UPP2: variants seen among roughly 807,000 people sequenced by gnomAD.
UPP2 encodes UPase 2.
In UPP2, 23 loss-of-function variants were observed where a neutral mutation model predicts 26.7. That is an observed-to-expected ratio of 0.86 (90% confidence interval 0.62 to 1.22). The LOEUF is 1.22. UPP2 is among the 50% of genes most tolerant of loss of function. UPP2 has a pLI of 0.00. For missense variants in UPP2, 387 were observed against 396.7 expected, an observed-to-expected ratio of 0.98 and a Z score of 0.21; for synonymous variants, 127 against 141.3, an observed-to-expected ratio of 0.90 and a Z score of 0.72.
intron 3 of UPP2, among the ~76,000 whole-genome samples, chr2:158,082,886 G>A (rs1019695601): frequency 3.3e-5 from 5 of 152,186 alleles, no homozygotes; most frequent in African/African-American, 4.8e-5. Context: ...CCATCAAAAA[G>A]TGGGTGAAGG....
chr2:158,130,388 T>C (rs540115531), intron 6 of UPP2, among the ~76,000 whole-genome samples: 2 of 151,492 alleles, frequency 1.3e-5, no homozygotes, highest in Non-Finnish European at 2.9e-5. Context: ...GAGGCAGAGC[T>C]TGCAGTGAGC....
At chr2:158,096,428 G>A (rs13416665) in intron 3 of UPP2, among the ~76,000 whole-genome samples, 2,231 of 152,008 alleles carry the variant, frequency 0.015, 61 homozygotes, top group African/African-American at 0.05. Flanking sequence ...GTGAAACCCC[G>A]TCTCTACTAA....
chr2:158,035,548 C>T (rs1474598634), intron 3 of UPP2, among the ~76,000 whole-genome samples: 2 of 152,292 alleles, frequency 1.3e-5, no homozygotes, highest in East Asian at 1.9e-4. Flanking sequence ...AGGAACTCCT[C>T]CTCCATTTTA....
At position 158,127,449 on chromosome 2, in the gene UPP2, C is replaced by T. The variant is rs150561444; in HGVS notation, c.811+3554C>T. On this transcript the variant is annotated intron_variant, in intron 6 of 6. Coordinates refer to ENST00000005756, the MANE Select transcript of UPP2 (RefSeq NM_173355.4). Reference sequence around the variant, plus strand: ...ATATGGGCTTTCAATATTTACTGAACGAGTGAGTGAATGAAAAAAAAAAGG... The same window carrying T: ...ATATGGGCTTTCAATATTTACTGAATGAGTGAGTGAATGAAAAAAAAAAGG... Among the ~76,000 whole-genome samples the T allele has an allele frequency of 5.9e-3, 887 of 150,904 alleles. 6 individuals are homozygous for T. Among genetic ancestry groups the T allele is most frequent in the African/African-American group, 0.021 (846 of 40,940 alleles).
At position 158,124,647 on chromosome 2, in the gene UPP2, T is replaced by C. The variant is rs192429363; in HGVS notation, c.811+752T>C. On this transcript the variant is annotated intron_variant, in intron 6 of 6. Coordinates refer to ENST00000005756, the MANE Select transcript of UPP2 (RefSeq NM_173355.4). ...AACGCAGTAGTCTAGTGAGAGTTGATGGACAAAGTGATAGCAGCGCAGGTA... is the reference window on the plus strand; with the variant it reads ...AACGCAGTAGTCTAGTGAGAGTTGACGGACAAAGTGATAGCAGCGCAGGTA... Among the ~76,000 whole-genome samples, 133 of 152,280 alleles carry C rather than the reference T, an allele frequency of 8.7e-4. 3 individuals are homozygous for C. In the South Asian group the frequency reaches 0.024, roughly 28 times the overall value.
At chr2:158,094,563 T>A (rs1682958657) in intron 3 of UPP2, among the ~76,000 whole-genome samples, 2 of 152,218 alleles carry the variant, frequency 1.3e-5, no homozygotes, top group South Asian at 4.1e-4. Flanking sequence ...TTCTACTTCC[T>A]TAGAAAAAAA....
chr2:158,045,115 T>C (rs993027099), intron 3 of UPP2, among the ~76,000 whole-genome samples: 2 of 152,192 alleles, frequency 1.3e-5, no homozygotes, highest in African/African-American at 4.8e-5. Flanking sequence ...GAAACCCCCT[T>C]GTCCCTTGAG....
At chr2:158,065,769 C>A in intron 3 of UPP2, 1 of 692,756 alleles carries the variant, frequency 1.4e-6, no homozygotes, top group South Asian at 1.6e-5. Context: ...TGATGGTGCA[C>A]CACCATCCAA....
rs533540851 is a variant in UPP2, at chr2:158,028,933, C to A, written c.147+13047C>A. On this transcript the variant is annotated intron_variant, in intron 3 of 9. Coordinates refer to the UPP2 transcript ENST00000605860. ...TGATTCAAATTATCTCCCACCAGGC[C>A]CCTCCCACAACACATGAGAAAGTGA... Among the ~76,000 whole-genome samples, 39 of 152,300 alleles carry A rather than the reference C, an allele frequency of 2.6e-4. 1 individual carries two copies. The highest frequency in any genetic ancestry group is 9.4e-4 in the African/African-American group (39 of 41,554).
chr2:158,072,639 AAG>A, intron 3 of UPP2, among the ~76,000 whole-genome samples: 1 of 141,180 alleles, frequency 7.1e-6, no homozygotes, highest in East Asian at 2.1e-4. Flanking sequence ...CACAGAGAGA[AAG>A]AGACAGACAG....
At chr2:158,017,047 G>A (rs746212604) in intron 3 of UPP2, among the ~76,000 whole-genome samples, 7 of 152,112 alleles carry the variant, frequency 4.6e-5, no homozygotes, top group Non-Finnish European at 8.8e-5. Context: ...ATATTCTATG[G>A]ATATAATGTG....
intron 3 of UPP2, among the ~76,000 whole-genome samples, chr2:158,041,610 A>G (rs989711276): frequency 3.9e-5 from 6 of 152,252 alleles, no homozygotes; most frequent in East Asian, 1.9e-4. Context: ...TTTGCATTGT[A>G]TTAATGACCT....
chr2:157,999,378 A>G (rs199526429), intron 2 of UPP2, among the ~76,000 whole-genome samples: 1 of 152,162 alleles, frequency 6.6e-6, no homozygotes, highest in Admixed American at 6.5e-5. Context: ...GGGTTTCACT[A>G]TGTTGACCAG....
At chr2:158,114,631 T>C (rs1683386102) in intron 2 of UPP2, among the ~76,000 whole-genome samples, 1 of 152,214 alleles carries the variant, frequency 6.6e-6, no homozygotes, top group Non-Finnish European at 1.5e-5. Flanking sequence ...TAAGTTCACA[T>C]ACTCCATTTC....
At chr2:158,035,697 C>T (rs74888814) in intron 3 of UPP2, among the ~76,000 whole-genome samples, 7,327 of 152,230 alleles carry the variant, frequency 0.048, 314 homozygotes, top group East Asian at 0.12. Context: ...AGATGTGAAA[C>T]TAATTCATAC....
chr2:157,996,175 A>T (rs1344904976), intron 2 of UPP2, among the ~76,000 whole-genome samples: 1 of 152,228 alleles, frequency 6.6e-6, no homozygotes, highest in Non-Finnish European at 1.5e-5. Flanking sequence ...CTGTGACCAC[A>T]TGATTGTAGA....
chr2:158,077,024 C>T (rs1289163000), intron 3 of UPP2, among the ~76,000 whole-genome samples: 1 of 151,946 alleles, frequency 6.6e-6, no homozygotes. Flanking sequence ...TATATGCCAA[C>T]AGTGAACAAT....
chr2:158,008,938 G>C (rs1359166157), intron 2 of UPP2, among the ~76,000 whole-genome samples: 2 of 152,124 alleles, frequency 1.3e-5, no homozygotes, highest in Non-Finnish European at 2.9e-5. Flanking sequence ...GGTGGCAGCT[G>C]TTCCTTAGAA....
intron 3 of UPP2, among the ~76,000 whole-genome samples, chr2:158,029,304 G>T (rs1160636): frequency 0.22 from 33,656 of 152,132 alleles, 5,927 homozygotes; most frequent in African/African-American, 0.48. Context: ...AAATAAAGAT[G>T]CTTTAAAAAA....
Sources: gnomAD v4.1 joint callset for allele counts (sites outside exome capture counted in the v4.1 genomes callset) on GRCh38, gnomAD v4.1.1 for gene constraint, MANE v1.5 for transcripts, NCBI Gene and HGNC (gene_info 2026-07-23, HGNC 2026-07-21) for gene names.